POLA2: variants seen among roughly 807,000 people sequenced by gnomAD.
POLA2 encodes the protein DNA polymerase alpha subunit B.
A neutral mutation model predicts 82.8 loss-of-function variants in POLA2; 47 were observed. The ratio of observed to expected loss-of-function variants is 0.57; its 90% CI spans 0.45 to 0.72. The LOEUF (loss-of-function observed/expected upper bound fraction) is 0.72, where lower values mean the gene tolerates loss of function less well. Among genes scored for constraint, POLA2 ranks in the 30% least tolerant of loss-of-function variants. The pLI, the probability that POLA2 is intolerant of heterozygous loss-of-function variation, is 0.00. For synonymous variants in POLA2, 287 were observed against 286.8 expected (o/e 1.00, Z -0.01); for missense variants, 634 against 728.1 (o/e 0.87, Z 1.49).
chr11:65,282,548 G>A, intron 10 of POLA2, 27 bp downstream of exon 10: 1 of 1,594,154 alleles, frequency 6.3e-7, no homozygotes, highest in Admixed American at 1.7e-5. Flanking sequence ...ATATTGTTTT[G>A]CCAACAATGA....
Position 65,268,004 on chromosome 11 carries a change from G to A in POLA2, c.296+436G>A, listed in dbSNP as rs567224338. ...AGACAGGGTTTCACCATGTTGGCCA[G>A]CTGGTCTCGAACTCCTGACCTCAGG... On this transcript the variant is annotated intron_variant, in intron 3 of 17. Transcript: ENST00000265465. Among the ~76,000 whole-genome samples, 14 of 152,098 alleles carry A rather than the reference G, an allele frequency of 9.2e-5. 1 individual carries two copies. In the South Asian group the frequency reaches 2.9e-3, roughly 32 times the overall value.
At chr11:65,294,697 G>A (rs746088755) in intron 15 of POLA2, 45 bp downstream of exon 15, 3 of 1,334,272 alleles carry the variant, frequency 2.2e-6, no homozygotes, top group East Asian at 4.6e-5. Context: ...CTGGCTTTCT[G>A]GTCCCAGCCC....
At chr11:65,305,094 TTCA>T (rs766777082) in intron 8 of POLA2, among the ~76,000 whole-genome samples, 2 of 147,600 alleles carry the variant, frequency 1.4e-5, no homozygotes, top group Non-Finnish European at 3.0e-5. Flanking sequence ...GCCTTTCAAC[TTCA>T]TCATCTCCAT....
chr11:65,269,579 C>A (rs1949500687), intron 4 of POLA2, among the ~76,000 whole-genome samples: 1 of 152,118 alleles, frequency 6.6e-6, no homozygotes. Context: ...TGGGCTCTGC[C>A]CTCAAGAAGC....
rs764841476 is a variant in POLA2 at position 65,295,568 on chromosome 11, C to T, written c.1489C>T (p.Arg497Ter). 3.1e-6 allele frequency: 5 copies of T among 1,613,836 alleles called. No homozygotes were observed. The highest frequency in any genetic ancestry group is 1.7e-5 in the Admixed American group (1 of 59,984). Residue 497 changes from arginine (R) to a stop codon, truncating the protein, a stop_gained, in exon 16 of 18, where the codon CGA (arginine) becomes TGA (stop). Coordinates refer to ENST00000265465, the MANE Select transcript of POLA2 (RefSeq NM_002689.4). LOFTEE classifies it high-confidence loss of function. ...TTCCGGAACTTCAGACAGATTCAGC[C>T]GAATACTCAAGCACATCTTGACCCA... The part of the protein sequence containing the change: ...SSSGTSDRFS[R>*]ILKHILTQRS...
At chr11:65,263,125 T>C (rs2137478075) in intron 1 of POLA2, among the ~76,000 whole-genome samples, 1 of 151,972 alleles carries the variant, frequency 6.6e-6, no homozygotes, top group Non-Finnish European at 1.5e-5. Flanking sequence ...ACTTCTTATA[T>C]ACAAAAAGAT....
intron 4 of POLA2, among the ~76,000 whole-genome samples, chr11:65,271,095 C>T (rs1033211707): frequency 1.3e-5 from 2 of 152,196 alleles, no homozygotes; most frequent in African/African-American, 4.8e-5. Context: ...CTTTATTTTT[C>T]TCCTTATTAT....
intron 10 of POLA2, among the ~76,000 whole-genome samples, chr11:65,286,962 C>A (rs913264433): frequency 2.0e-5 from 3 of 152,326 alleles, no homozygotes; most frequent in Admixed American, 2.0e-4. Flanking sequence ...CCAGCTGTCT[C>A]ATCTGGGCAC....
At chr11:65,299,764 T>A (rs893431381), downstream of POLA2, among the ~76,000 whole-genome samples, 11 of 152,264 alleles carry the variant, frequency 7.2e-5, no homozygotes, top group African/African-American at 2.6e-4. Context: ...CGATCTCGGC[T>A]CACTGCAACC....
intron 5 of POLA2, among the ~76,000 whole-genome samples, chr11:65,276,826 C>T (rs1198297173): frequency 6.8e-6 from 1 of 146,668 alleles, no homozygotes; most frequent in Non-Finnish European, 1.5e-5. Context: ...GACTCTCACT[C>T]TGTCACCCAG....
intron 10 of POLA2, among the ~76,000 whole-genome samples, chr11:65,286,231 C>A (rs972605484): frequency 2.0e-5 from 3 of 152,070 alleles, no homozygotes; most frequent in Non-Finnish European, 4.4e-5. Context: ...TCTGGCTTTG[C>A]CGCTGCAGGT....
chr11:65,289,180 C>A, intron 12 of POLA2, 92 bp downstream of exon 12: 1 of 966,922 alleles, frequency 1.0e-6, no homozygotes, highest in Non-Finnish European at 1.6e-6. Flanking sequence ...ACATCTGTAA[C>A]AAACACATTA....
intron 8 of POLA2, 27 bp downstream of exon 8, chr11:65,281,174 T>C (rs1397030172): frequency 3.1e-6 from 5 of 1,611,032 alleles, no homozygotes; most frequent in African/African-American, 1.3e-5. Flanking sequence ...TCCACCAGAA[T>C]GCAGGCGCAC....
chr11:65,296,249 A>G (rs1330694412), intron 17 of POLA2: 1 of 397,906 alleles, frequency 2.5e-6, no homozygotes, highest in African/African-American at 2.0e-5. Context: ...AGGCCCTCAA[A>G]TGAGGGCTTT....
At chr11:65,264,134 C>G (rs1949432517) in intron 1 of POLA2, among the ~76,000 whole-genome samples, 1 of 152,140 alleles carries the variant, frequency 6.6e-6, no homozygotes, top group Non-Finnish European at 1.5e-5. Flanking sequence ...ATGGTGCAAT[C>G]TTGGCTCACT....
chr11:65,278,097 T>A (rs988741829), intron 5 of POLA2, among the ~76,000 whole-genome samples: 1 of 152,160 alleles, frequency 6.6e-6, no homozygotes, highest in African/African-American at 2.4e-5. Flanking sequence ...AGATCAGCAA[T>A]ATCCATGTGT....
chr11:65,288,314 T>C (rs1949718629), intron 11 of POLA2, among the ~76,000 whole-genome samples: 3 of 151,958 alleles, frequency 2.0e-5, no homozygotes, highest in Admixed American at 2.0e-4. Flanking sequence ...TCTCAAAAAA[T>C]AAAAATAAAA....
At chr11:65,263,433 A>G (rs1309204478) in intron 1 of POLA2, among the ~76,000 whole-genome samples, 1 of 152,086 alleles carries the variant, frequency 6.6e-6, no homozygotes, top group East Asian at 1.9e-4. Flanking sequence ...CATGTAGGCC[A>G]GACTGCTCTC....
chr11:65,286,958 G>T (rs1012596284), intron 10 of POLA2, among the ~76,000 whole-genome samples: 1 of 152,186 alleles, frequency 6.6e-6, no homozygotes, highest in Non-Finnish European at 1.5e-5. Flanking sequence ...TTCCCCAGCT[G>T]TCTCATCTGG....
Sources: allele counts gnomAD v4.1 joint callset (sites outside exome capture counted in the v4.1 genomes callset), GRCh38; gene constraint gnomAD v4.1.1; transcripts MANE v1.5; gene names NCBI Gene and HGNC (gene_info 2026-07-23, HGNC 2026-07-21).